Variants in ASB3 observed in about 807,000 individuals in gnomAD.
The protein encoded by ASB3 is ankyrin repeat and SOCS box protein 3.
In ASB3, 41 loss-of-function variants were observed where a neutral mutation model predicts 54.5. That is an observed-to-expected ratio of 0.75 (90% CI 0.59 to 0.98). The LOEUF (loss-of-function observed/expected upper bound fraction) is 0.98. ASB3 is among the 50% of genes least tolerant of loss of function. ASB3 has a pLI of 0.00. For synonymous variants in ASB3, 266 were observed against 221.2 expected (o/e 1.20, Z -1.80); for missense variants, 733 against 620.0 (o/e 1.18, Z -1.94).
chr2:53,709,874 G>A (rs569387534), intron 7 of ASB3, among the ~76,000 whole-genome samples: 7 of 152,186 alleles, frequency 4.6e-5, no homozygotes, highest in African/African-American at 2.4e-5. Flanking sequence ...TGTGACTTCC[G>A]TCTTGTTCTC....
chr2:53,759,309 CTA>C (rs1673009738), intron 2 of ASB3, among the ~76,000 whole-genome samples: 1 of 152,170 alleles, frequency 6.6e-6, no homozygotes, highest in South Asian at 2.1e-4. Flanking sequence ...ATGATGTCCA[CTA>C]TAACACAGGA....
chr2:53,752,346 G>A (rs1392468709), intron 2 of ASB3, among the ~76,000 whole-genome samples: 1 of 152,118 alleles, frequency 6.6e-6, no homozygotes, highest in Admixed American at 6.5e-5. Context: ...GGTGAGGAGA[G>A]CAGAATTTAT....
intron 1 of ASB3, among the ~76,000 whole-genome samples, chr2:53,780,950 G>A (rs559503553): frequency 3.3e-5 from 5 of 152,252 alleles, no homozygotes; most frequent in African/African-American, 1.2e-4. Flanking sequence ...TCTATTCCAA[G>A]TGCTTTATGT....
chr2:53,709,805 C>A (rs1404371010), intron 7 of ASB3, among the ~76,000 whole-genome samples: 1 of 152,144 alleles, frequency 6.6e-6, no homozygotes, highest in East Asian at 1.9e-4. Context: ...CATATTGAAT[C>A]AGGGCTTGTG....
intron 1 of ASB3, among the ~76,000 whole-genome samples, chr2:53,784,056 G>T (rs1441168726): frequency 2.0e-5 from 3 of 152,236 alleles, no homozygotes; most frequent in Admixed American, 2.0e-4. Context: ...CAAACATGGT[G>T]CCATTATTAG....
At chr2:53,702,119 T>C (rs750829734) in intron 7 of ASB3, among the ~76,000 whole-genome samples, 1 of 152,202 alleles carries the variant, frequency 6.6e-6, no homozygotes, top group African/African-American at 2.4e-5. Context: ...GAAAATCAGC[T>C]CTAAACCTCT....
At position 53,755,986 on chromosome 2, in the gene ASB3, C is replaced by A. The variant is rs564332329; in HGVS notation, c.197-5045G>T. Among the ~76,000 whole-genome samples the A allele has an allele frequency of 5.3e-5, 8 of 151,534 alleles. No individual in the cohort carries two copies. In the South Asian group the frequency reaches 1.7e-3, roughly 32 times the overall value. On this transcript the variant is annotated intron_variant, in intron 2 of 9. Transcript: ENST00000263634. The stretch of plus-strand genomic sequence containing the variant: ...TGGACAAAATAGTAAGACCCCCCCC[C>A]CACCTCTACAAAATATAGAAAATAA...
chr2:53,715,238 C>G (rs746084843), intron 6 of ASB3, among the ~76,000 whole-genome samples: 1 of 152,036 alleles, frequency 6.6e-6, no homozygotes. Flanking sequence ...GTAAACTTAC[C>G]TCTAGCAGTC....
rs2104111666 is a variant in ASB3 at position 53,767,706 on chromosome 2, GCTGA to G, written c.-13-2125_-13-2122del. On this transcript the variant is annotated intron_variant, in intron 1 of 9. Coordinates refer to ENST00000263634, the MANE Select transcript of ASB3 (RefSeq NM_016115.5). ...ACCCTAATCAAGGAAATAAAATAAA[GCTGA>G]CTGAGATCCGCTCGGAAAATCTTTC... The G allele has an allele frequency of 4.4e-6, 3 of 682,450 alleles. No individual in the cohort carries two copies. In the South Asian group the frequency reaches 5.8e-5, roughly 13 times the overall value. The allele number at this position is 682,450 out of a possible 1,614,324, so 42.3% of individuals were successfully genotyped here.
chr2:53,712,560 C>A (rs1338420896), intron 7 of ASB3, among the ~76,000 whole-genome samples: 2 of 152,200 alleles, frequency 1.3e-5, no homozygotes, highest in Non-Finnish European at 2.9e-5. Context: ...TACTGCCCAG[C>A]TCCCAAGGAA....
At chr2:53,717,849 A>G (rs914113419) in intron 5 of ASB3, among the ~76,000 whole-genome samples, 1 of 152,188 alleles carries the variant, frequency 6.6e-6, no homozygotes, top group African/African-American at 2.4e-5. Context: ...AAAGGAATCA[A>G]TCAGAGCTTC....
intron 9 of ASB3, among the ~76,000 whole-genome samples, chr2:53,689,120 A>T (rs1241414659): frequency 3.9e-5 from 6 of 152,106 alleles, no homozygotes; most frequent in African/African-American, 1.4e-4. Context: ...ATTAAGAGTT[A>T]AAAAAGATAA....
chr2:53,718,730 C>A (rs1670532157), intron 5 of ASB3, among the ~76,000 whole-genome samples: 1 of 151,420 alleles, frequency 6.6e-6, no homozygotes, highest in African/African-American at 2.4e-5. Context: ...TACGAAACAT[C>A]CTGCCTAAAA....
intron 8 of ASB3, among the ~76,000 whole-genome samples, chr2:53,698,619 A>G (rs1292942721): frequency 6.6e-6 from 1 of 152,184 alleles, no homozygotes; most frequent in Non-Finnish European, 1.5e-5. Context: ...GCATAGACAC[A>G]GTTCATCCCA....
At chr2:53,698,677 C>T (rs903508518) in intron 8 of ASB3, among the ~76,000 whole-genome samples, 2 of 152,190 alleles carry the variant, frequency 1.3e-5, no homozygotes, top group Non-Finnish European at 2.9e-5. Flanking sequence ...CACTTTCCAA[C>T]AGGGTATTGC....
intron 3 of ASB3, among the ~76,000 whole-genome samples, chr2:53,737,097 C>T (rs913410079): frequency 9.2e-5 from 14 of 152,132 alleles, no homozygotes; most frequent in African/African-American, 3.1e-4. Context: ...ATAACTGGTA[C>T]TAAACTAGCC....
chr2:53,768,681 T>G (rs113920225), intron 1 of ASB3, among the ~76,000 whole-genome samples: 1 of 152,242 alleles, frequency 6.6e-6, no homozygotes, highest in African/African-American at 2.4e-5. Flanking sequence ...CCAGCATTAT[T>G]TTAATGTTAC....
intron 5 of ASB3, among the ~76,000 whole-genome samples, chr2:53,727,882 T>C (rs191571213): frequency 1.3e-5 from 2 of 152,194 alleles, no homozygotes; most frequent in Non-Finnish European, 2.9e-5. Flanking sequence ...CATGCCACCA[T>C]GCCCAGCTAA....
rs192849954 is a variant in ASB3 at position 53,700,175 on chromosome 2, A to C, written c.1238+96T>G. ...TTCAGCCATCACAGTCAAAACACAG[A>C]TACCCTTCTCCAAACACTGGGATCT... On this transcript the variant is annotated intron_variant, in intron 8 of 9. Coordinates refer to ENST00000263634, the MANE Select transcript of ASB3 (RefSeq NM_016115.5). The C allele has an allele frequency of 8.5e-6, 13 of 1,520,562 alleles. No individual in the cohort carries two copies. In the East Asian group the frequency reaches 2.5e-4, roughly 29 times the overall value. 94.2% of individuals were successfully genotyped at this position (1,520,562 alleles called of 1,614,324 possible). A position where few individuals can be genotyped will look rare whatever the true frequency, so the allele number is the denominator to read the frequency against.
Sources: gnomAD v4.1 joint callset for allele counts (sites outside exome capture counted in the v4.1 genomes callset) on GRCh38, gnomAD v4.1.1 for gene constraint, MANE v1.5 for transcripts, NCBI Gene and HGNC (gene_info 2026-07-23, HGNC 2026-07-21) for gene names.